The following RASSF3 variants were observed in gnomAD, a reference collection of about 807,000 sequenced individuals.
The protein encoded by RASSF3 is Ras association domain family member 3.
RASSF3 carries 19 observed loss-of-function variants against 19.9 expected under a neutral mutation model. That is an observed-to-expected ratio of 0.96 (90% CI 0.67 to 1.40). The LOEUF (loss-of-function observed/expected upper bound fraction) is 1.40, where lower values mean the gene tolerates loss of function less well. Ranked by LOEUF, RASSF3 falls within the 40% of genes most tolerant of loss-of-function variation. RASSF3 has a pLI of 0.00. For missense variants in RASSF3, 306 were observed against 289.8 expected, an observed-to-expected ratio of 1.06 and a Z score of -0.41; for synonymous variants, 110 against 104.2, an observed-to-expected ratio of 1.06 and a Z score of -0.34.
Position 64,655,809 on chromosome 12 carries a change from G to A in RASSF3, c.112-28978G>A, listed in dbSNP as rs113340511. Among the ~76,000 whole-genome samples, 1,064 of 151,858 alleles carry A rather than the reference G, an allele frequency of 7.0e-3. 14 individuals are homozygous for A. Among genetic ancestry groups the A allele is most frequent in the African/African-American group, 0.025 (1,024 of 41,460 alleles). On this transcript the variant is annotated intron_variant, in intron 1 of 4. Coordinates refer to ENST00000542104, the MANE Select transcript of RASSF3 (RefSeq NM_178169.4). ...TGGGAGGCCGAGGCGGGCGGATCACGTGAGGTCAGGAGTTCGAGACCAGCC... is the reference window on the plus strand; with the variant it reads ...TGGGAGGCCGAGGCGGGCGGATCACATGAGGTCAGGAGTTCGAGACCAGCC...
chr12:64,555,100 T>C (rs7307764), intron 2 of RASSF3, among the ~76,000 whole-genome samples: 76,718 of 151,684 alleles, frequency 0.51, 20,588 homozygotes, highest in Non-Finnish European at 0.6. Context: ...AAAAACCAGC[T>C]GGGTGTGGTG....
chr12:64,582,110 C>T (rs1194465842), intron 2 of RASSF3, among the ~76,000 whole-genome samples: 2 of 152,130 alleles, frequency 1.3e-5, no homozygotes, highest in African/African-American at 4.8e-5. Context: ...ACCTCGGCCT[C>T]CCAAAGTGCT....
chr12:64,536,420 G>T (rs967887006), intron 1 of RASSF3, among the ~76,000 whole-genome samples: 1 of 152,182 alleles, frequency 6.6e-6, no homozygotes, highest in Non-Finnish European at 1.5e-5. Context: ...AAACAAAAAT[G>T]CATCAAAAGA....
intron 2 of RASSF3, among the ~76,000 whole-genome samples, chr12:64,553,328 G>A (rs1869197185): frequency 6.6e-6 from 1 of 152,220 alleles, no homozygotes; most frequent in South Asian, 2.1e-4. Flanking sequence ...CAGAACTGCT[G>A]ACAAGTGAGG....
At chr12:64,687,686 TATGAATATAGCCACTAGGA>T (rs1873413104) in intron 2 of RASSF3, among the ~76,000 whole-genome samples, 1 of 152,204 alleles carries the variant, frequency 6.6e-6, no homozygotes, top group African/African-American at 2.4e-5. Flanking sequence ...ATTCAGTGCA[TATGAATATAGCCACTAGGA>T]ATGAAAATAG....
At chr12:64,615,840 A>T (rs565070735) in intron 1 of RASSF3, among the ~76,000 whole-genome samples, 1 of 151,710 alleles carries the variant, frequency 6.6e-6, no homozygotes, top group Non-Finnish European at 1.5e-5. Context: ...TGCCTGGCTA[A>T]TTTTTTGTAT....
At chr12:64,694,654 TG>T in intron 4 of RASSF3, 108 bp from the exon 5 acceptor site, 1 of 1,207,302 alleles carries the variant, frequency 8.3e-7, no homozygotes, top group South Asian at 1.3e-5. Context: ...TTCTGCGGCA[TG>T]GGGCTGGGAG....
intron 1 of RASSF3, among the ~76,000 whole-genome samples, chr12:64,516,716 C>T (rs1048645528): frequency 4.6e-5 from 7 of 151,408 alleles, no homozygotes; most frequent in South Asian, 2.1e-4. Flanking sequence ...ATAAGAAATC[C>T]TGGCCGGGTG....
intron 2 of RASSF3, among the ~76,000 whole-genome samples, chr12:64,583,377 T>G (rs1869736159): frequency 2.0e-5 from 3 of 152,200 alleles, no homozygotes; most frequent in Non-Finnish European, 4.4e-5. Context: ...ATCCCAGCAC[T>G]TTGGGAGGCC....
intron 1 of RASSF3, among the ~76,000 whole-genome samples, chr12:64,650,246 T>A (rs1411858893): frequency 6.6e-6 from 1 of 152,070 alleles, no homozygotes; most frequent in Non-Finnish European, 1.5e-5. Context: ...ATAAACAAAT[T>A]CGATTATCTC....
At chr12:64,546,089 C>G (rs548722125), downstream of RASSF3, among the ~76,000 whole-genome samples, 94 of 112,658 alleles carry the variant, frequency 8.3e-4, no homozygotes, top group African/African-American at 3.3e-3. Flanking sequence ...GAGCAAGACT[C>G]CGTCTCAAAA....
chr12:64,548,362 AT>A (rs1869104861), intron 2 of RASSF3, among the ~76,000 whole-genome samples: 2 of 150,924 alleles, frequency 1.3e-5, no homozygotes, highest in Admixed American at 6.6e-5. Context: ...TTATTTATTT[AT>A]TTTTTTTGTA....
At position 64,631,870 on chromosome 12, in the gene RASSF3, C is replaced by T. The variant is rs191539432; in HGVS notation, c.111+21127C>T. ...GATTACAGGGGAGAGCCACCATACC[C>T]GGCCTGTTTTTTATTTATTTTTAGA... On this transcript the variant is annotated intron_variant, in intron 1 of 4. Coordinates refer to ENST00000542104, the MANE Select transcript of RASSF3 (RefSeq NM_178169.4). Among the ~76,000 whole-genome samples the T allele has an allele frequency of 4.6e-3, 698 of 152,132 alleles. 4 individuals carry two copies. The highest frequency in any genetic ancestry group is 8.1e-3 in the Non-Finnish European group (548 of 68,006).
intron 1 of RASSF3, among the ~76,000 whole-genome samples, chr12:64,659,904 C>T (rs1470046246): frequency 3.3e-5 from 5 of 151,674 alleles, no homozygotes; most frequent in Non-Finnish European, 5.9e-5. Context: ...GCTGAGATGG[C>T]GCCACTACAC....
At chr12:64,547,873 G>T (rs1340459434) in intron 2 of RASSF3, among the ~76,000 whole-genome samples, 1 of 152,044 alleles carries the variant, frequency 6.6e-6, no homozygotes, top group Non-Finnish European at 1.5e-5. Flanking sequence ...ATGTAAAAAG[G>T]TTAAGAAAAA....
chr12:64,599,403 C>A (rs1360248229), intron 2 of RASSF3, among the ~76,000 whole-genome samples: 1 of 152,210 alleles, frequency 6.6e-6, no homozygotes, highest in Admixed American at 6.5e-5. Flanking sequence ...TTGGAAAGTT[C>A]AATGTCCCAG....
intron 1 of RASSF3, among the ~76,000 whole-genome samples, chr12:64,521,300 C>T (rs1421552884): frequency 6.6e-6 from 1 of 152,176 alleles, no homozygotes; most frequent in East Asian, 1.9e-4. Flanking sequence ...AAATCCATCC[C>T]CACTCCTTGG....
At chr12:64,694,640 C>A in intron 4 of RASSF3, 123 bp from the exon 5 acceptor site, 1 of 1,073,880 alleles carries the variant, frequency 9.3e-7, no homozygotes, top group Non-Finnish European at 1.4e-6. Flanking sequence ...TTGCAGACCA[C>A]ACCTTCTGCG....
chr12:64,584,503 G>A (rs865892582), intron 2 of RASSF3, among the ~76,000 whole-genome samples: 2,278 of 111,674 alleles, frequency 0.02, 32 homozygotes, highest in East Asian at 0.07. Context: ...TCCAGGCTAA[G>A]AAAAAAAAAA....
Sources: gnomAD v4.1 joint callset for allele counts (sites outside exome capture counted in the v4.1 genomes callset) on GRCh38, gnomAD v4.1.1 for gene constraint, MANE v1.5 for transcripts, NCBI Gene and HGNC (gene_info 2026-07-23, HGNC 2026-07-21) for gene names.